ADAMTS3: variants seen among roughly 807,000 people sequenced by gnomAD.
The protein encoded by ADAMTS3 is A disintegrin and metalloproteinase with thrombospondin motifs 3.
A neutral mutation model predicts 129.0 loss-of-function variants in ADAMTS3; 73 were observed. The ratio of observed to expected loss-of-function variants is 0.57; its 90% CI spans 0.47 to 0.69. The LOEUF is 0.69. ADAMTS3 is among the 30% of genes least tolerant of loss of function. The pLI is 0.00. For missense variants in ADAMTS3, 1,457 were observed against 1,514.5 expected, an observed-to-expected ratio of 0.96 and a Z score of 0.63; for synonymous variants, 477 against 510.8, an observed-to-expected ratio of 0.93 and a Z score of 0.89.
At chr4:72,295,864 C>T in intron 18 of ADAMTS3, 78 bp from the exon 19 acceptor site, 5 of 1,515,716 alleles carry the variant, frequency 3.3e-6, no homozygotes, top group Non-Finnish European at 4.5e-6. Flanking sequence ...CTTACTCATT[C>T]ATACATTTAT....
At chr4:72,496,325 C>G (rs1719872077) in intron 3 of ADAMTS3, among the ~76,000 whole-genome samples, 1 of 152,174 alleles carries the variant, frequency 6.6e-6, no homozygotes, top group Non-Finnish European at 1.5e-5. Context: ...ATTGTTCACT[C>G]AAGTCAAGTG....
intron 4 of ADAMTS3, among the ~76,000 whole-genome samples, chr4:72,392,861 T>C (rs977491005): frequency 2.6e-5 from 4 of 152,134 alleles, no homozygotes; most frequent in Non-Finnish European, 5.9e-5. Context: ...GAAATTTTGA[T>C]GTACTCTTTG....
At position 72,429,118 on chromosome 4, in the gene ADAMTS3, T is replaced by C. The variant is rs138014201; in HGVS notation, c.505-14147A>G. 2.4e-4 allele frequency among the ~76,000 whole-genome samples: 36 copies of C among 152,176 alleles called. No homozygotes were observed. In the East Asian group the frequency reaches 3.9e-3, roughly 16 times the overall value. ...ACAAATAGTAGTTGCCTGGAAATCA[T>C]AGTTTGAGAAAAACTGCCTTAAAAT... is the stretch of plus-strand genomic sequence containing the variant. On this transcript the variant is annotated intron_variant, in intron 3 of 21. Transcript: ENST00000286657.
chr4:72,467,910 A>G (rs1718963596), intron 3 of ADAMTS3, among the ~76,000 whole-genome samples: 1 of 152,036 alleles, frequency 6.6e-6, no homozygotes. Flanking sequence ...CTGTAATCCA[A>G]TTATATAGAG....
intron 4 of ADAMTS3, among the ~76,000 whole-genome samples, chr4:72,349,739 C>T (rs1190851878): frequency 1.3e-5 from 2 of 151,872 alleles, no homozygotes. Context: ...TGTTATGATG[C>T]AATAAAATTT....
intron 3 of ADAMTS3, among the ~76,000 whole-genome samples, chr4:72,499,002 G>A (rs780937413): frequency 5.9e-5 from 9 of 151,944 alleles, no homozygotes; most frequent in Non-Finnish European, 8.8e-5. Flanking sequence ...ATAATCATAC[G>A]GAATATTTGA....
intron 3 of ADAMTS3, among the ~76,000 whole-genome samples, chr4:72,443,727 C>T (rs1718179467): frequency 3.3e-5 from 5 of 150,870 alleles, no homozygotes; most frequent in Admixed American, 2.6e-4. Context: ...ACCTCATTTG[C>T]ATTCCCATTT....
intron 4 of ADAMTS3, among the ~76,000 whole-genome samples, chr4:72,391,237 C>T (rs1044266640): frequency 3.9e-5 from 6 of 152,222 alleles, no homozygotes; most frequent in East Asian, 1.9e-4. Flanking sequence ...TTGTATATTA[C>T]GTGTATATTT....
At chr4:72,291,176 A>T (rs1476893595) in intron 19 of ADAMTS3, 114 bp from the exon 20 acceptor site, 1 of 1,045,434 alleles carries the variant, frequency 9.6e-7, no homozygotes, top group East Asian at 2.6e-5. Context: ...CCTAGTGGGC[A>T]CACTGCAGTT....
At chr4:72,505,225 A>AT (rs771714996) in intron 3 of ADAMTS3, among the ~76,000 whole-genome samples, 24 of 151,862 alleles carry the variant, frequency 1.6e-4, no homozygotes, top group East Asian at 3.9e-4. Flanking sequence ...TGTGGGTAGG[A>AT]TTTTTTCTTT....
intron 18 of ADAMTS3, 121 bp from the exon 19 acceptor site, chr4:72,295,907 A>G (rs900192446): frequency 8.3e-6 from 10 of 1,208,246 alleles, no homozygotes; most frequent in African/African-American, 1.5e-5. Context: ...TTGAGTGCAT[A>G]CAAACCGGCA....
At position 72,368,613 on chromosome 4, in the gene ADAMTS3, T is replaced by A. The variant is rs146904049; in HGVS notation, c.662-28920A>T. The stretch of plus-strand genomic sequence containing the variant: ...ATAAACTGAGAAAACAAAATGAATA[T>A]CATGGTTCTGACATGCAGCTGATTA... On this transcript the variant is annotated intron_variant, in intron 4 of 21. Transcript: ENST00000286657. Among the ~76,000 whole-genome samples the A allele has an allele frequency of 3.7e-3, 562 of 152,266 alleles. 3 individuals carry two copies. Among genetic ancestry groups the A allele is most frequent in the Non-Finnish European group, 5.8e-3 (397 of 68,004 alleles).
At chr4:72,382,825 C>G (rs1211761919) in intron 4 of ADAMTS3, among the ~76,000 whole-genome samples, 1 of 152,082 alleles carries the variant, frequency 6.6e-6, no homozygotes, top group Admixed American at 6.6e-5. Context: ...GGGAGCTAAT[C>G]AATGGGTATA....
intron 4 of ADAMTS3, among the ~76,000 whole-genome samples, chr4:72,364,199 T>C (rs893586872): frequency 6.6e-6 from 1 of 151,684 alleles, no homozygotes; most frequent in East Asian, 1.9e-4. Flanking sequence ...TGCATGCATG[T>C]ACATGTACAC....
intron 2 of ADAMTS3, 152 bp from the exon 3 acceptor site, chr4:72,549,036 G>A: frequency 4.7e-6 from 3 of 645,076 alleles, no homozygotes; most frequent in Non-Finnish European, 7.2e-6. Flanking sequence ...TAAATTTTGA[G>A]AACAAAAATC....
At chr4:72,403,599 T>C (rs1464833932) in intron 4 of ADAMTS3, among the ~76,000 whole-genome samples, 1 of 151,914 alleles carries the variant, frequency 6.6e-6, no homozygotes, top group Admixed American at 6.6e-5. Flanking sequence ...TGAAAAATCA[T>C]GTGGTAAGGT....
At chr4:72,399,565 T>A (rs1034612313) in intron 4 of ADAMTS3, among the ~76,000 whole-genome samples, 3 of 152,108 alleles carry the variant, frequency 2.0e-5, no homozygotes, top group Admixed American at 6.5e-5. Context: ...GACCCTTGAG[T>A]AAGCAATGTT....
chr4:72,384,252 T>C (rs1721377721), intron 4 of ADAMTS3, among the ~76,000 whole-genome samples: 1 of 152,120 alleles, frequency 6.6e-6, no homozygotes, highest in African/African-American at 2.4e-5. Flanking sequence ...AAAAATTATT[T>C]GAAATGATTA....
chr4:72,397,397 C>G (rs1560500194), intron 4 of ADAMTS3, among the ~76,000 whole-genome samples: 1 of 151,924 alleles, frequency 6.6e-6, no homozygotes, highest in Non-Finnish European at 1.5e-5. Context: ...AAACCTGTCT[C>G]TACCAAAAGT....
Sources: allele counts gnomAD v4.1 joint callset (sites outside exome capture counted in the v4.1 genomes callset), GRCh38; gene constraint gnomAD v4.1.1; transcripts MANE v1.5; gene names NCBI Gene and HGNC (gene_info 2026-07-23, HGNC 2026-07-21).